Variants in NCAM2 observed in about 807,000 individuals in gnomAD.
The protein encoded by NCAM2 is N-CAM-2.
NCAM2 carries 30 observed loss-of-function variants against 98.1 expected under a neutral mutation model. That is an observed-to-expected ratio of 0.31 (90% CI 0.23 to 0.41). The LOEUF (loss-of-function observed/expected upper bound fraction) is 0.41. Among genes scored for constraint, NCAM2 ranks in the 10% least tolerant of loss-of-function variants. The probability of loss-of-function intolerance (pLI) is 1.00; values close to 1 mark genes in which losing one functional copy is unlikely to be tolerated. For missense variants in NCAM2, 867 were observed against 1,005.8 expected, an observed-to-expected ratio of 0.86 and a Z score of 1.87; for synonymous variants, 368 against 342.4, an observed-to-expected ratio of 1.07 and a Z score of -0.83.
At position 21,425,631 on chromosome 21, in the gene NCAM2, T is replaced by C. The variant is rs539552961; in HGVS notation, c.1481-6477T>C. Among the ~76,000 whole-genome samples, 20 of 149,862 alleles carry C rather than the reference T, an allele frequency of 1.3e-4. No individual in the cohort carries two copies. In the East Asian group the frequency reaches 4.1e-3, roughly 31 times the overall value. On this transcript the variant is annotated intron_variant, in intron 11 of 17. Transcript: ENST00000400546. ...CTCTGGACAACTTCAGTTTAATTCA[T>C]GGATGTATAAGAACAAAAAAAAAAT...
chr21:21,276,033 C>G (rs1045263562), intron 1 of NCAM2, among the ~76,000 whole-genome samples: 1 of 152,146 alleles, frequency 6.6e-6, no homozygotes, highest in Non-Finnish European at 1.5e-5. Context: ...TTGAACACTT[C>G]AGCCTTACCC....
intron 9 of NCAM2, among the ~76,000 whole-genome samples, chr21:21,391,385 A>C (rs1311639784): frequency 6.6e-6 from 1 of 152,222 alleles, no homozygotes; most frequent in Non-Finnish European, 1.5e-5. Context: ...GCTTATAAGA[A>C]AATATGTGTC....
Position 21,214,198 on chromosome 21 carries a change from C to T in NCAM2, c.56-66380C>T, listed in dbSNP as rs1260820070. Reference sequence around the variant, plus strand: ...TTCCACTTATTTTTGTGTAGCTTTGCGATTTTTGAGAATTACAGTCTTTCC... The same window carrying T: ...TTCCACTTATTTTTGTGTAGCTTTGTGATTTTTGAGAATTACAGTCTTTCC... On this transcript the variant is annotated intron_variant, in intron 1 of 17. Transcript: ENST00000400546. Among the ~76,000 whole-genome samples, 7 of 151,896 alleles carry T rather than the reference C, an allele frequency of 4.6e-5. No homozygotes were observed. The South Asian group carries it at 6.2e-4, about 14-fold the overall frequency.
At chr21:21,516,742 T>C (rs1191271001) in intron 16 of NCAM2, among the ~76,000 whole-genome samples, 1 of 152,152 alleles carries the variant, frequency 6.6e-6, no homozygotes, top group Non-Finnish European at 1.5e-5. Context: ...AAGCTGCTCT[T>C]TTCAGTCGAG....
chr21:21,421,260 T>C (rs1057255300), intron 11 of NCAM2, among the ~76,000 whole-genome samples: 1 of 152,020 alleles, frequency 6.6e-6, no homozygotes, highest in African/African-American at 2.4e-5. Flanking sequence ...TACTGCAATA[T>C]TGTTCATTGA....
intron 9 of NCAM2, among the ~76,000 whole-genome samples, chr21:21,379,851 T>G (rs2076113964): frequency 2.0e-5 from 3 of 151,972 alleles, no homozygotes; most frequent in Admixed American, 2.0e-4. Flanking sequence ...GAGTATTAAC[T>G]CACTCCATCA....
Position 21,539,626 on chromosome 21 carries a change from A to T in NCAM2, c.*1669A>T, listed in dbSNP as rs1369249446. 1 of 152,212 alleles carries T rather than the reference A, an allele frequency of 6.6e-6. No homozygotes were observed. Among genetic ancestry groups the T allele is most frequent in the Non-Finnish European group, 1.5e-5 (1 of 68,038 alleles). 9.4% of individuals were successfully genotyped at this position (152,212 alleles called of 1,614,324 possible). A position where few individuals can be genotyped will look rare whatever the true frequency, so the allele number is the denominator to read the frequency against. ...CACTTTTCTGGCTACAGCAGGACAG[A>T]ATATGACCATCTTCGTTTGAAGGCA... is the stretch of plus-strand genomic sequence containing the variant. On this transcript the variant is annotated 3_prime_UTR_variant, in exon 18 of 18. Coordinates refer to ENST00000400546, the MANE Select transcript of NCAM2 (RefSeq NM_004540.5).
intron 9 of NCAM2, among the ~76,000 whole-genome samples, chr21:21,401,109 A>G (rs2076620276): frequency 6.6e-6 from 1 of 152,152 alleles, no homozygotes; most frequent in Non-Finnish European, 1.5e-5. Flanking sequence ...GCTCAATGCT[A>G]TTTCCAATAC....
At chr21:21,060,866 G>C (rs1322080896) in intron 1 of NCAM2, among the ~76,000 whole-genome samples, 1 of 152,074 alleles carries the variant, frequency 6.6e-6, no homozygotes, top group East Asian at 1.9e-4. Context: ...TGAATGCAGG[G>C]CAAGTCATCC....
At chr21:21,115,957 T>TTGTGTG (rs58824475) in intron 1 of NCAM2, among the ~76,000 whole-genome samples, 180 of 147,274 alleles carry the variant, frequency 1.2e-3, no homozygotes, top group African/African-American at 2.5e-3. Context: ...CTCTGAGATT[T>TTGTGTG]TGTGTGTGTG....
intron 1 of NCAM2, among the ~76,000 whole-genome samples, chr21:21,009,981 G>T (rs1271851179): frequency 2.7e-5 from 4 of 148,954 alleles, no homozygotes. Context: ...TAAGTTTATT[G>T]GACGGAGTAC....
chr21:21,027,882 G>C (rs1016739496), intron 1 of NCAM2, among the ~76,000 whole-genome samples: 1 of 146,396 alleles, frequency 6.8e-6, no homozygotes, highest in Non-Finnish European at 1.5e-5. Flanking sequence ...TTGAGACGTC[G>C]TTTCTCTCTT....
intron 16 of NCAM2, among the ~76,000 whole-genome samples, chr21:21,513,917 T>G (rs1988548764): frequency 6.6e-6 from 1 of 152,046 alleles, no homozygotes. Context: ...TTCCCTTGAT[T>G]AACCAACCCC....
chr21:21,357,915 T>G (rs1346763771), intron 8 of NCAM2, among the ~76,000 whole-genome samples: 5 of 152,160 alleles, frequency 3.3e-5, no homozygotes. Flanking sequence ...AATAATATGT[T>G]TGTTCAGATA....
At chr21:21,038,076 A>G (rs118175089) in intron 1 of NCAM2, among the ~76,000 whole-genome samples, 1,538 of 152,294 alleles carry the variant, frequency 0.01, 9 homozygotes, top group Non-Finnish European at 0.017. Flanking sequence ...TGTTCTAGCC[A>G]TAACCCATGG....
chr21:21,468,615 G>A, intron 13 of NCAM2, 47 bp from the exon 14 acceptor site: 1 of 1,540,040 alleles, frequency 6.5e-7, no homozygotes. Flanking sequence ...GTTTATCTAG[G>A]TATCTGAAAT....
intron 14 of NCAM2, among the ~76,000 whole-genome samples, chr21:21,470,854 T>A (rs1984355945): frequency 6.6e-6 from 1 of 152,068 alleles, no homozygotes; most frequent in African/African-American, 2.4e-5. Context: ...GGGACATTGT[T>A]TTAATAGTAG....
intron 9 of NCAM2, among the ~76,000 whole-genome samples, chr21:21,406,837 C>G (rs994431397): frequency 1.4e-4 from 22 of 152,246 alleles, no homozygotes; most frequent in Admixed American, 1.2e-3. Context: ...ATTAATTGGG[C>G]ACAAATCCTA....
intron 8 of NCAM2, among the ~76,000 whole-genome samples, chr21:21,364,649 T>A (rs1338706840): frequency 1.3e-5 from 2 of 151,996 alleles, no homozygotes; most frequent in Non-Finnish European, 2.9e-5. Context: ...TACATAAATA[T>A]GTACATATAC....
Sources: gnomAD v4.1 joint callset for allele counts (sites outside exome capture counted in the v4.1 genomes callset) on GRCh38, gnomAD v4.1.1 for gene constraint, MANE v1.5 for transcripts, NCBI Gene and HGNC (gene_info 2026-07-23, HGNC 2026-07-21) for gene names.